ARHGEF37: variants seen among roughly 807,000 people sequenced by gnomAD.
ARHGEF37 encodes the protein Rho guanine nucleotide exchange factor 37.
Under a neutral mutation model 71.1 loss-of-function variants are expected in ARHGEF37, and 55 were observed. That is an observed-to-expected ratio of 0.77 (90% CI 0.62 to 0.97). ARHGEF37 has a LOEUF of 0.97. Among genes scored for constraint, ARHGEF37 ranks in the 50% least tolerant of loss-of-function variants. The pLI is 0.00. For missense variants in ARHGEF37, 765 were observed against 836.8 expected, an observed-to-expected ratio of 0.91 and a Z score of 1.06; for synonymous variants, 327 against 350.6, an observed-to-expected ratio of 0.93 and a Z score of 0.75.
intron 1 of ARHGEF37, among the ~76,000 whole-genome samples, chr5:149,556,487 G>A (rs1023768450): frequency 5.9e-5 from 9 of 151,976 alleles, no homozygotes; most frequent in East Asian, 3.9e-4. Context: ...TCCCAGGTTC[G>A]AGCGATTCTC....
intron 1 of ARHGEF37, among the ~76,000 whole-genome samples, chr5:149,573,631 C>T (rs1762995706): frequency 1.3e-5 from 2 of 152,094 alleles, no homozygotes; most frequent in South Asian, 4.1e-4. Flanking sequence ...ACTTTACCTC[C>T]TTCACTAGAA....
intron 1 of ARHGEF37, among the ~76,000 whole-genome samples, chr5:149,569,778 G>A (rs770616979): frequency 2.0e-4 from 30 of 152,058 alleles, no homozygotes; most frequent in South Asian, 2.1e-4. Flanking sequence ...GCACCACCAC[G>A]CCCGGCTAAT....
rs373411073 is a variant in ARHGEF37 at position 149,566,530 on chromosome 5, AAACAAC to A, written c.-12+14425_-12+14430del. The stretch of plus-strand genomic sequence containing the variant: ...ATCCTCCCCCCCAAAAAAACCAACC[AAACAAC>A]AACAACAACAACAACAAAAAACCTT... On this transcript the variant is annotated intron_variant, in intron 1 of 2. Coordinates refer to the ARHGEF37 transcript ENST00000505810. Among the ~76,000 whole-genome samples the A allele has an allele frequency of 9.8e-4, 133 of 135,680 alleles. 2 individuals are homozygous for A. The highest frequency in any genetic ancestry group is 3.1e-3 in the African/African-American group (115 of 37,208). The allele number at this position is 135,680 out of a possible 152,430, so 89.0% of individuals were successfully genotyped here.
chr5:149,631,332 G>A (rs1023429752), intron 12 of ARHGEF37, among the ~76,000 whole-genome samples: 6 of 151,666 alleles, frequency 4.0e-5, no homozygotes, highest in African/African-American at 1.5e-4. Flanking sequence ...CACCATGCCC[G>A]GCTAATTTTT....
At chr5:149,613,063 C>T (rs1346750544) in intron 4 of ARHGEF37, among the ~76,000 whole-genome samples, 2 of 152,178 alleles carry the variant, frequency 1.3e-5, no homozygotes, top group Non-Finnish European at 2.9e-5. Flanking sequence ...GAGGTGGGCC[C>T]GTCCAGCACA....
In ARHGEF37 at chr5:149,616,633, C is replaced by G. The variant is rs1291021438; in HGVS notation, c.525C>G (p.Tyr175Ter). Reference sequence around the variant, plus strand: ...TTCCTCTGCAGAGGATCACCAGGTACCCACTGCTGCTGCAGAAAATCCTGG... The same window carrying G: ...TTCCTCTGCAGAGGATCACCAGGTAGCCACTGCTGCTGCAGAAAATCCTGG... ...LVIPLQRITR[Y>*]PLLLQKILEN... Residue 175 changes from tyrosine (Y) to a stop codon, truncating the protein, a stop_gained, in exon 5 of 13, where the codon TAC becomes TAG. Coordinates refer to ENST00000333677, the MANE Select transcript of ARHGEF37 (RefSeq NM_001001669.3). LOFTEE classifies it high-confidence loss of function. 1.9e-6 allele frequency: 3 copies of G among 1,613,214 alleles called. No individual in the cohort carries two copies. Among genetic ancestry groups the G allele is most frequent in the Non-Finnish European group, 1.7e-6 (2 of 1,179,836 alleles).
chr5:149,618,369 T>G, intron 6 of ARHGEF37, 63 bp downstream of exon 6: 1 of 1,605,146 alleles, frequency 6.2e-7, no homozygotes, highest in Non-Finnish European at 8.5e-7. Context: ...CCCTGCACAG[T>G]GGGTAGACAG....
intron 1 of ARHGEF37, among the ~76,000 whole-genome samples, chr5:149,587,299 C>T (rs972839653): frequency 1.3e-5 from 2 of 152,088 alleles, no homozygotes; most frequent in African/African-American, 4.8e-5. Context: ...TATTATGCAT[C>T]TAGATCGGCC....
Position 149,588,227 on chromosome 5 carries a change from T to C in ARHGEF37, c.-12+6603T>C, listed in dbSNP as rs75140667. 3.0e-3 allele frequency among the ~76,000 whole-genome samples: 447 copies of C among 151,486 alleles called. 3 individuals are homozygous for C. The highest frequency in any genetic ancestry group is 7.9e-3 in the South Asian group (38 of 4,790). On this transcript the variant is annotated intron_variant, in intron 1 of 12. Transcript: ENST00000333677. ...GTTTGTTTGTTTGTTTGTTTGTTTG[T>C]TTGCTTTGAGACAGAATCTTGCTCT...
upstream of ARHGEF37, among the ~76,000 whole-genome samples, chr5:149,576,910 C>T (rs551007821): frequency 2.0e-5 from 3 of 152,088 alleles, no homozygotes; most frequent in East Asian, 5.8e-4. Context: ...GAGCCGAGAT[C>T]GTGCCACTGC....
At chr5:149,552,803 C>CT (rs1480505115) in intron 1 of ARHGEF37, among the ~76,000 whole-genome samples, 6 of 151,932 alleles carry the variant, frequency 3.9e-5, no homozygotes, top group African/African-American at 1.5e-4. Flanking sequence ...TGTACTCCAG[C>CT]CTGGGCAACA....
rs1300457727 is a variant in ARHGEF37 at position 149,634,923 on chromosome 5, G to C, written c.*2732G>C. 1 of 152,248 alleles carries C rather than the reference G, an allele frequency of 6.6e-6. No homozygotes were observed. 9.4% of individuals were successfully genotyped at this position (152,248 alleles called of 1,614,324 possible). On this transcript the variant is annotated 3_prime_UTR_variant, in exon 13 of 13. Coordinates refer to ENST00000333677, the MANE Select transcript of ARHGEF37 (RefSeq NM_001001669.3). The stretch of plus-strand genomic sequence containing the variant: ...AATATGACGAACCCCAGCTCAATGA[G>C]TAACTGATGTGAACTGCTGGGAATA...
intron 7 of ARHGEF37, 86 bp from the exon 8 acceptor site, chr5:149,620,268 C>A (rs1752500040): frequency 4.2e-6 from 4 of 957,600 alleles, no homozygotes; most frequent in Non-Finnish European, 6.3e-6. Context: ...CCTGGAAAAC[C>A]TCTTCAAGGT....
chr5:149,559,115 G>T (rs1762797222), intron 1 of ARHGEF37, among the ~76,000 whole-genome samples: 1 of 152,174 alleles, frequency 6.6e-6, no homozygotes, highest in African/African-American at 2.4e-5. Context: ...GAGGTCAAGA[G>T]TTCGAGACCA....
At chr5:149,627,553 G>A (rs1752730766) in intron 11 of ARHGEF37, among the ~76,000 whole-genome samples, 2 of 152,252 alleles carry the variant, frequency 1.3e-5, no homozygotes, top group Admixed American at 6.5e-5. Flanking sequence ...CCCCTGCCTG[G>A]AGGGCCTTGC....
intron 7 of ARHGEF37, 108 bp from the exon 8 acceptor site, chr5:149,620,246 G>T (rs149358807): frequency 0.025 from 17,517 of 691,558 alleles, 336 homozygotes; most frequent in South Asian, 0.054. Flanking sequence ...CTCATTGGGG[G>T]TGTGTAGAGA....
At chr5:149,566,727 AG>A (rs1762904642) in intron 1 of ARHGEF37, among the ~76,000 whole-genome samples, 1 of 152,170 alleles carries the variant, frequency 6.6e-6, no homozygotes, top group Non-Finnish European at 1.5e-5. Flanking sequence ...GTGTGTGACA[AG>A]GACCAGTTTA....
At chr5:149,631,136 C>T (rs1461208321) in intron 12 of ARHGEF37, among the ~76,000 whole-genome samples, 2 of 148,668 alleles carry the variant, frequency 1.3e-5, no homozygotes, top group African/African-American at 5.0e-5. Flanking sequence ...TTCTTTCTTT[C>T]TTCCTTCCTT....
chr5:149,568,811 C>CAAA (rs748620450), intron 1 of ARHGEF37, among the ~76,000 whole-genome samples: 4 of 57,362 alleles, frequency 7.0e-5, no homozygotes, highest in Admixed American at 4.3e-4. Context: ...GACTCCATCT[C>CAAA]AAAAAAAAAA....
Sources: gnomAD v4.1 joint callset for allele counts (sites outside exome capture counted in the v4.1 genomes callset) on GRCh38, gnomAD v4.1.1 for gene constraint, MANE v1.5 for transcripts, NCBI Gene and HGNC (gene_info 2026-07-23, HGNC 2026-07-21) for gene names.